Variants in ZNF395 observed in about 807,000 individuals in gnomAD.
ZNF395 encodes HD gene regulatory region-binding protein 2.
In ZNF395, 20 loss-of-function variants were observed where a neutral mutation model predicts 57.7. That is an observed-to-expected ratio of 0.35 (90% confidence interval 0.24 to 0.50). ZNF395 has a LOEUF of 0.50. Among genes scored for constraint, ZNF395 ranks in the 20% least tolerant of loss-of-function variants. ZNF395 has a pLI of 0.97. For synonymous variants in ZNF395, 295 were observed against 275.9 expected, an observed-to-expected ratio of 1.07 and a Z score of -0.69; for missense variants, 606 against 671.2, an observed-to-expected ratio of 0.90 and a Z score of 1.07.
At chr8:28,350,013 G>T (rs545259256) in intron 8 of ZNF395, 51 bp downstream of exon 8, 1 of 1,488,778 alleles carries the variant, frequency 6.7e-7, no homozygotes, top group South Asian at 1.3e-5. Flanking sequence ...TGGGATGTGT[G>T]GGAGAGCCCT....
In ZNF395 at chr8:28,347,094, C is replaced by CA. The variant is rs1384753494; in HGVS notation, c.*1624dup. On this transcript the variant is annotated 3_prime_UTR_variant, in exon 10 of 10. Transcript: ENST00000344423. ...CCAGGTCTACAGATTTTGTAACACT[C>CA]AAAGTGTCCTGCATTAAAAAGCACG... 1 of 152,166 alleles carries CA rather than the reference C, an allele frequency of 6.6e-6. No individual in the cohort carries two copies. Among genetic ancestry groups the CA allele is most frequent in the Non-Finnish European group, 1.5e-5 (1 of 68,042 alleles). The allele number at this position is 152,166 out of a possible 1,614,324, so 9.4% of individuals were successfully genotyped here.
chr8:28,356,534 C>A lies in ZNF395; in HGVS notation c.583+136G>T. ...TCTAACTCCATGGCATGCAGCCGGTCAGAGGTGCCAGTGGGAGGTGTCCCT... is the reference window on the plus strand; with the variant it reads ...TCTAACTCCATGGCATGCAGCCGGTAAGAGGTGCCAGTGGGAGGTGTCCCT... On this transcript the variant is annotated intron_variant, in intron 4 of 9. Transcript: ENST00000344423. This position sits in a 1 kb window ranked among gnomAD's most constrained non-coding sequence, Gnocchi z 4.0. 1.6e-6 allele frequency: 1 copy of A among 617,612 alleles called. No individual in the cohort carries two copies. Among genetic ancestry groups the A allele is most frequent in the South Asian group, 2.0e-5 (1 of 48,920 alleles). The allele number at this position is 617,612 out of a possible 1,614,324, so 38.3% of individuals were successfully genotyped here.
intron 1 of ZNF395, among the ~76,000 whole-genome samples, chr8:28,372,682 G>T (rs1412389684): frequency 3.9e-5 from 6 of 152,216 alleles, no homozygotes; most frequent in Admixed American, 6.5e-5. Flanking sequence ...AGCTACTCAG[G>T]AGGCTGAGGT....
intron 7 of ZNF395, 55 bp from the exon 8 acceptor site, chr8:28,350,211 T>G: frequency 2.1e-6 from 3 of 1,454,960 alleles, no homozygotes; most frequent in Non-Finnish European, 2.8e-6. Flanking sequence ...GTTCAGAGTC[T>G]GCCCACAATC....
intron 7 of ZNF395, among the ~76,000 whole-genome samples, chr8:28,350,444 C>T (rs369849515): frequency 2.6e-5 from 4 of 152,354 alleles, no homozygotes; most frequent in African/African-American, 9.6e-5. Flanking sequence ...GATTTAACTT[C>T]TCAACTGGAT....
In ZNF395 at chr8:28,352,492, G is replaced by A; in HGVS notation, c.920+81C>T. Reference sequence around the variant, plus strand: ...AAGCCACGTTCCTGAAAGCACTGTGGGCTGTGGGTCACAGGGACTCGGCAG... The same window carrying A: ...AAGCCACGTTCCTGAAAGCACTGTGAGCTGTGGGTCACAGGGACTCGGCAG... On this transcript the variant is annotated intron_variant, in intron 6 of 9. Coordinates refer to ENST00000344423, the MANE Select transcript of ZNF395 (RefSeq NM_018660.3). The surrounding 1 kb of genome is among the most constrained non-coding windows in gnomAD (Gnocchi z 4.0). 7.9e-7 allele frequency: 1 copy of A among 1,266,538 alleles called. No individual in the cohort carries two copies. Among genetic ancestry groups the A allele is most frequent in the Non-Finnish European group, 1.1e-6 (1 of 879,054 alleles). 78.5% of individuals were successfully genotyped at this position (1,266,538 alleles called of 1,614,324 possible).
intron 3 of ZNF395, among the ~76,000 whole-genome samples, chr8:28,358,509 C>T (rs968797906): frequency 1.3e-5 from 2 of 152,182 alleles, no homozygotes; most frequent in African/African-American, 4.8e-5. Context: ...CATCATTGCT[C>T]ACTGAAGCCT....
chr8:28,382,305 T>C (rs1042777388), intron 1 of ZNF395, among the ~76,000 whole-genome samples: 1 of 152,164 alleles, frequency 6.6e-6, no homozygotes, highest in Non-Finnish European at 1.5e-5. Context: ...TAGTCCAAAC[T>C]AGAACACATC....
chr8:28,369,405 A>G (rs1282355693), intron 1 of ZNF395, among the ~76,000 whole-genome samples: 1 of 152,166 alleles, frequency 6.6e-6, no homozygotes, highest in African/African-American at 2.4e-5. Flanking sequence ...GCTGGAATTA[A>G]CATGTCATAA....
intron 1 of ZNF395, among the ~76,000 whole-genome samples, chr8:28,368,049 T>C (rs1303053111): frequency 2.0e-5 from 3 of 152,114 alleles, no homozygotes; most frequent in Non-Finnish European, 2.9e-5. Flanking sequence ...CGTGCATGTA[T>C]GTGGTGGGGC....
Position 28,347,095 on chromosome 8 carries a change from A to G in ZNF395, c.*1624T>C, listed in dbSNP as rs1295851625. 1 of 152,170 alleles carries G rather than the reference A, an allele frequency of 6.6e-6. No homozygotes were observed. Among genetic ancestry groups the G allele is most frequent in the South Asian group, 2.1e-4 (1 of 4,826 alleles). 9.4% of individuals were successfully genotyped at this position (152,170 alleles called of 1,614,324 possible). ...CAGGTCTACAGATTTTGTAACACTC[A>G]AAGTGTCCTGCATTAAAAAGCACGT... On this transcript the variant is annotated 3_prime_UTR_variant, in exon 10 of 10. Coordinates refer to ENST00000344423, the MANE Select transcript of ZNF395 (RefSeq NM_018660.3).
intron 3 of ZNF395, among the ~76,000 whole-genome samples, chr8:28,357,755 G>A (rs1324207146): frequency 2.6e-5 from 4 of 152,126 alleles, no homozygotes; most frequent in African/African-American, 9.7e-5. Context: ...CACAAATATT[G>A]CTGCTCTAAT....
At position 28,356,967 on chromosome 8, in the gene ZNF395, A is replaced by T. The variant is rs1418234887; in HGVS notation, c.474-188T>A. Among the ~76,000 whole-genome samples the T allele has an allele frequency of 1.3e-5, 2 of 152,140 alleles. No individual in the cohort carries two copies. The highest frequency in any genetic ancestry group is 2.9e-5 in the Non-Finnish European group (2 of 68,022). On this transcript the variant is annotated intron_variant, in intron 3 of 9. Transcript: ENST00000344423. This position sits in a 1 kb window ranked among gnomAD's most constrained non-coding sequence, Gnocchi z 4.0. ...GATCATATAAACTCAGTGAAACATG[A>T]AGGTCTCCCCTTCTTCCTGAGCAGT... is the stretch of plus-strand genomic sequence containing the variant.
chr8:28,382,717 T>C (rs751735870), intron 1 of ZNF395, among the ~76,000 whole-genome samples: 4 of 152,214 alleles, frequency 2.6e-5, no homozygotes, highest in East Asian at 1.9e-4. Context: ...CCCTTCCTCA[T>C]GCTTTCTTCC....
intron 1 of ZNF395, among the ~76,000 whole-genome samples, chr8:28,361,940 A>C (rs994650556): frequency 1.3e-5 from 2 of 151,828 alleles, no homozygotes; most frequent in Admixed American, 1.3e-4. Context: ...AAAAATACAA[A>C]ATTAGCCAGG....
chr8:28,358,151 C>CTTTTTTTT (rs746800075), intron 3 of ZNF395, among the ~76,000 whole-genome samples: 498 of 100,980 alleles, frequency 4.9e-3, no homozygotes, highest in African/African-American at 9.4e-3. Flanking sequence ...TCTTTTTTTT[C>CTTTTTTTT]TTTTTTTTTT....
rs1801632965 is a variant in ZNF395 at position 28,348,284 on chromosome 8, T to C, written c.*435A>G. The C allele has an allele frequency of 6.7e-6, 1 of 149,506 alleles. No homozygotes were observed. The highest frequency in any genetic ancestry group is 2.5e-5 in the African/African-American group (1 of 39,760). 9.3% of individuals were successfully genotyped at this position (149,506 alleles called of 1,614,324 possible). A position where few individuals can be genotyped will look rare whatever the true frequency, so the allele number is the denominator to read the frequency against. On this transcript the variant is annotated 3_prime_UTR_variant, in exon 10 of 10. Transcript: ENST00000344423. ...CTTTTTTTTTTTTTTTTTTTTTTTT[T>C]TTAAGAAAAGTAAATTCATCTTGCT...
intron 3 of ZNF395, among the ~76,000 whole-genome samples, chr8:28,357,026 G>A (rs934773958): frequency 6.6e-6 from 1 of 152,134 alleles, no homozygotes; most frequent in Non-Finnish European, 1.5e-5. Flanking sequence ...ATATTAGGCA[G>A]CCCCGGTATA....
intron 1 of ZNF395, among the ~76,000 whole-genome samples, chr8:28,362,213 G>C (rs1329171895): frequency 6.6e-6 from 1 of 152,176 alleles, no homozygotes; most frequent in Admixed American, 6.5e-5. Flanking sequence ...GCAAGAATCT[G>C]AACAGGCCTC....
Sources: gnomAD v4.1 joint callset for allele counts (sites outside exome capture counted in the v4.1 genomes callset) on GRCh38, gnomAD v4.1.1 for gene constraint, Gnocchi (gnomAD v3.1) non-coding constraint, MANE v1.5 for transcripts, NCBI Gene and HGNC (gene_info 2026-07-23, HGNC 2026-07-21) for gene names.